The following SCN1B variants were observed in gnomAD, a reference collection of about 807,000 sequenced individuals.
SCN1B encodes sodium channel regulatory subunit beta-1.
A neutral mutation model predicts 25.7 loss-of-function variants in SCN1B; 11 were observed. The observed-to-expected ratio is 0.43, with a 90% CI of 0.27 to 0.71. SCN1B has a LOEUF of 0.71. Ranked by LOEUF, SCN1B falls within the 30% of genes least tolerant of loss-of-function variation. The probability of loss-of-function intolerance (pLI) is 0.21; values close to 1 mark genes in which losing one functional copy is unlikely to be tolerated. For missense variants in SCN1B, 224 were observed against 291.5 expected (o/e 0.77, Z 1.69); for synonymous variants, 119 against 117.5 (o/e 1.01, Z -0.08).
intron 3 of SCN1B, chr19:35,034,689 C>A: frequency 1.3e-5 from 2 of 158,580 alleles, no homozygotes; most frequent in South Asian, 3.6e-4. Flanking sequence ...AGATGGGTGC[C>A]GGCCTCAGTG....
At position 35,039,218 on chromosome 19, in the gene SCN1B, A is replaced by G. The variant is rs1335702160; in HGVS notation, c.550A>G (p.Lys184Glu). The G allele has an allele frequency of 1.2e-6, 2 of 1,614,092 alleles. No homozygotes were observed. Among genetic ancestry groups the G allele is most frequent in the Non-Finnish European group, 1.7e-6 (2 of 1,180,022 alleles). Residue 184 changes from lysine to glutamate, a missense_variant, in exon 4 of 6, where the codon AAG becomes GAG. By Grantham distance (56) the Lys-to-Glu change is moderately conservative. This residue lies in a region of SCN1B where 52 missense variants were observed against 50.8 expected (regional missense o/e 1.02). Coordinates refer to ENST00000262631, the MANE Select transcript of SCN1B (RefSeq NM_001037.5). ...GGCAGAGATGATTTACTGCTACAAGAAGATCGCTGCCGCCACGGAGACTGC... is the reference window on the plus strand; with the variant it reads ...GGCAGAGATGATTTACTGCTACAAGGAGATCGCTGCCGCCACGGAGACTGC... ...LVAEMIYCYK[K>E]IAAATETAAQ...
chr19:35,040,015 G>A lies in SCN1B; in HGVS notation c.*224G>A. 2 of 404,282 alleles carry A rather than the reference G, an allele frequency of 4.9e-6. No individual in the cohort carries two copies. The highest frequency in any genetic ancestry group is 4.4e-5 in the South Asian group (2 of 45,548). The allele number at this position is 404,282 out of a possible 1,614,324, so 25.0% of individuals were successfully genotyped here. A position where few individuals can be genotyped will look rare whatever the true frequency, so the allele number is the denominator to read the frequency against. ...GGCCGCGCACCGCCATGCATGATGG[G>A]TAAAGCAATACTGCCGCTGCCCCCA... is the stretch of plus-strand genomic sequence containing the variant. On this transcript the variant is annotated 3_prime_UTR_variant, in exon 6 of 6. Coordinates refer to ENST00000262631, the MANE Select transcript of SCN1B (RefSeq NM_001037.5).
Position 35,030,849 on chromosome 19 carries a change from G to T in SCN1B, c.29G>T (p.Gly10Val). The T allele has an allele frequency of 1.0e-6, 1 of 963,146 alleles. No individual in the cohort carries two copies. The allele number at this position is 963,146 out of a possible 1,614,324, so 59.7% of individuals were successfully genotyped here. The change falls in exon 1 of 6, where the codon GGC (glycine) becomes GTC (valine). Residue 10 changes from glycine to valine, a missense_variant. By Grantham distance (109) the Gly-to-Val change is moderately radical (BLOSUM62 -3). This residue lies in a region of SCN1B where 46 missense variants were observed against 35.8 expected (regional missense o/e 1.29). Transcript: ENST00000262631. ...GGGAGGCTGCTGGCCTTAGTGGTCG[G>T]CGCGGCACTGGGTGAGTGCGCGGGG... MGRLLALVV[G>V]AALVSSACGG...
intron 5 of SCN1B, 23 bp downstream of exon 5, chr19:35,039,729 G>A (rs762261741): frequency 6.8e-6 from 11 of 1,612,718 alleles, no homozygotes; most frequent in Non-Finnish European, 9.3e-6. Flanking sequence ...GGCTGGCAGA[G>A]GGGAAGGGGA....
At chr19:35,039,295 G>T in intron 4 of SCN1B, 37 bp downstream of exon 4, 3 of 1,607,282 alleles carry the variant, frequency 1.9e-6, no homozygotes, top group Non-Finnish European at 2.5e-6. Flanking sequence ...GGGCACCCAG[G>T]GCACCGTCAC....
chr19:35,039,526 A>G, intron 4 of SCN1B, 109 bp from the exon 5 acceptor site: 1 of 1,153,258 alleles, frequency 8.7e-7, no homozygotes, highest in Non-Finnish European at 1.3e-6. Flanking sequence ...TCTCTCTCTA[A>G]CTAAGGAGCC....
At position 35,030,785 on chromosome 19, in the gene SCN1B, G is replaced by A; in HGVS notation, c.-36G>A. 1 of 919,596 alleles carries A rather than the reference G, an allele frequency of 1.1e-6. No individual in the cohort carries two copies. The highest frequency in any genetic ancestry group is 2.0e-5 in the South Asian group (1 of 50,998). 57.0% of individuals were successfully genotyped at this position (919,596 alleles called of 1,614,324 possible). A position where few individuals can be genotyped will look rare whatever the true frequency, so the allele number is the denominator to read the frequency against. On this transcript the variant is annotated 5_prime_UTR_variant, in exon 1 of 6. Coordinates refer to ENST00000262631, the MANE Select transcript of SCN1B (RefSeq NM_001037.5). Reference sequence around the variant, plus strand: ...CTCTCGCCCCGCTATTAATACCGGCGGCCCGGGAGGGGGGCGCAGCACGCG... The same window carrying A: ...CTCTCGCCCCGCTATTAATACCGGCAGCCCGGGAGGGGGGCGCAGCACGCG...
intron 2 of SCN1B, 146 bp from the exon 3 acceptor site, chr19:35,033,353 G>C (rs928125212): frequency 1.3e-6 from 2 of 1,514,146 alleles, no homozygotes; most frequent in Admixed American, 4.0e-5. Flanking sequence ...CCCCACCCCT[G>C]TGCCCTCCCT....
chr19:35,034,729 T>TC (rs1044223098), intron 3 of SCN1B: 1 of 152,698 alleles, frequency 6.5e-6, no homozygotes, highest in Non-Finnish European at 1.5e-5. Context: ...GTGAATCCTC[T>TC]CCCCACCCTC....
rs1234271758 is a variant in SCN1B at position 35,033,540 on chromosome 19, T to C, written c.249T>C (p.Asp83=). The C allele has an allele frequency of 3.7e-6, 6 of 1,613,766 alleles. No homozygotes were observed. Among genetic ancestry groups the C allele is most frequent in the Admixed American group, 1.7e-5 (1 of 59,988 alleles). Residue 83 remains aspartate, a synonymous_variant, in exon 3 of 6, where the codon GAT becomes GAC. Transcript: ENST00000262631. The part of the protein sequence containing the change: ...YENEVLQLEE[D]ERFEGRVVWN... ...ATGAGGTGTTGCAGCTGGAGGAGGA[T>C]GAGCGCTTCGAGGGCCGCGTGGTGT...
chr19:35,040,073 C>A lies in SCN1B; in HGVS notation c.*282C>A. The A allele has an allele frequency of 3.5e-6, 1 of 287,328 alleles. No individual in the cohort carries two copies. The highest frequency in any genetic ancestry group is 6.9e-6 in the Non-Finnish European group (1 of 145,380). The allele number at this position is 287,328 out of a possible 1,614,324, so 17.8% of individuals were successfully genotyped here. On this transcript the variant is annotated 3_prime_UTR_variant, in exon 6 of 6. Coordinates refer to ENST00000262631, the MANE Select transcript of SCN1B (RefSeq NM_001037.5). ...TCTGCTGCCTGTTTGGGGAGGGGGG[C>A]GGTGAGGTGGGGGCAGCGGCCCCGC...
Position 35,033,532 on chromosome 19 carries a change from G to A in SCN1B, c.241G>A (p.Glu81Lys). 6.2e-7 allele frequency: 1 copy of A among 1,614,032 alleles called. No homozygotes were observed. Among genetic ancestry groups the A allele is most frequent in the Non-Finnish European group, 8.5e-7 (1 of 1,179,962 alleles). ...CTATGAGAATGAGGTGTTGCAGCTG[G>A]AGGAGGATGAGCGCTTCGAGGGCCG... ...LRYENEVLQLEEDERFEGRVV... is the reference protein window; with the variant it reads ...LRYENEVLQLKEDERFEGRVV... Residue 81 changes from glutamate (E) to lysine (K), a missense_variant, in exon 3 of 6, where the codon GAG (glutamate) becomes AAG (lysine). Transcript: ENST00000262631.
chr19:35,039,852 G>A lies in SCN1B; in HGVS notation c.*61G>A, dbSNP rs1301085089. ...CCGTAATGGGGACTCTCCAGGCACC[G>A]CCTGCCCCCAGCGTGGGGGTGGCCA... On this transcript the variant is annotated 3_prime_UTR_variant, in exon 6 of 6. Transcript: ENST00000262631. 1.1e-5 allele frequency: 9 copies of A among 810,812 alleles called. No homozygotes were observed. The highest frequency in any genetic ancestry group is 2.7e-5 in the East Asian group (1 of 37,306). The allele number at this position is 810,812 out of a possible 1,614,324, so 50.2% of individuals were successfully genotyped here. A position where few individuals can be genotyped will look rare whatever the true frequency, so the allele number is the denominator to read the frequency against.
chr19:35,039,740 T>C, intron 5 of SCN1B, 34 bp downstream of exon 5: 3 of 1,606,740 alleles, frequency 1.9e-6, no homozygotes, highest in South Asian at 1.1e-5. Flanking sequence ...GGGAAGGGGA[T>C]TGGGAGGGGC....
rs556582468 is a variant in SCN1B at position 35,039,305 on chromosome 19, C to T, written c.590+47C>T. On this transcript the variant is annotated intron_variant, in intron 4 of 5. Transcript: ENST00000262631. The stretch of plus-strand genomic sequence containing the variant: ...TGGGAGGGCACCCAGGGCACCGTCA[C>T]ACTTGCCAGAGAGGAACTCCGGAGC... The T allele has an allele frequency of 1.9e-5, 30 of 1,605,716 alleles. No individual in the cohort carries two copies. The African/African-American group carries it at 3.7e-4, about 20-fold the overall frequency.
chr19:35,039,229 C>T lies in SCN1B; in HGVS notation c.561C>T (p.Ala187=), dbSNP rs587781152. Residue 187 remains alanine (A), a synonymous_variant, in exon 4 of 6, where the codon GCC becomes GCT. Transcript: ENST00000262631. ...TTTACTGCTACAAGAAGATCGCTGC[C>T]GCCACGGAGACTGCTGCACAGGAGA... The part of the protein sequence containing the change: ...EMIYCYKKIA[A]ATETAAQENA... The T allele has an allele frequency of 6.8e-5, 109 of 1,613,962 alleles. No homozygotes were observed. In the Admixed American group the frequency reaches 1.5e-3, roughly 22 times the overall value.
rs16969924 is a variant in SCN1B, at chr19:35,032,708, G to A, written c.207+14G>A. ...GAGTTTGTCAAGGTGTGCGGGTGCC[G>A]GGAACGGGCATGGGAGGGCAGGGGT... On this transcript the variant is annotated intron_variant, in intron 2 of 5. Coordinates refer to ENST00000262631, the MANE Select transcript of SCN1B (RefSeq NM_001037.5). This position sits in a 1 kb window ranked among gnomAD's most constrained non-coding sequence, Gnocchi z 4.3. The A allele has an allele frequency of 5.4e-3, 8,738 of 1,613,074 alleles. 370 individuals are homozygous for A. In the African/African-American group the frequency reaches 0.097, roughly 18 times the overall value.
At chr19:35,037,102 C>A in intron 3 of SCN1B, 1 of 152,070 alleles carries the variant, frequency 6.6e-6, no homozygotes, top group Middle Eastern at 3.2e-3. Flanking sequence ...CAGTATTGCC[C>A]ATCGACCTAT....
At chr19:35,039,523 C>G in intron 4 of SCN1B, 112 bp from the exon 5 acceptor site, 1 of 1,139,710 alleles carries the variant, frequency 8.8e-7, no homozygotes, top group Non-Finnish European at 1.3e-6. Flanking sequence ...CCTTCTCTCT[C>G]TAACTAAGGA....
Sources: gnomAD v4.1 joint callset for allele counts on GRCh38, gnomAD v4.1.1 for gene constraint, gnomAD v4.1.1 regional missense constraint, Gnocchi (gnomAD v3.1) non-coding constraint, MANE v1.5 for transcripts, NCBI Gene and HGNC (gene_info 2026-07-23, HGNC 2026-07-21) for gene names.